Variants in ANKRD27 observed in about 807,000 individuals in gnomAD.
The protein encoded by ANKRD27 is ankyrin repeat domain 27, also known as ankyrin repeat domain-containing protein 27.
In ANKRD27, 112 loss-of-function variants were observed where a neutral mutation model predicts 129.7. That is an observed-to-expected ratio of 0.86 (90% confidence interval 0.74 to 1.01). The LOEUF (loss-of-function observed/expected upper bound fraction) is 1.01, where lower values mean the gene tolerates loss of function less well. Ranked by LOEUF, ANKRD27 falls within the 50% of genes least tolerant of loss-of-function variation. ANKRD27 has a pLI of 0.00. For synonymous variants in ANKRD27, 516 were observed against 511.2 expected (o/e 1.01, Z -0.13); for missense variants, 1,258 against 1,300.5 (o/e 0.97, Z 0.50).
chr19:32,637,072 T>A (rs1368423609), intron 12 of ANKRD27, among the ~76,000 whole-genome samples: 1 of 152,214 alleles, frequency 6.6e-6, no homozygotes, highest in Non-Finnish European at 1.5e-5. Context: ...ATTTCAATTA[T>A]GTAAAATATA....
intron 17 of ANKRD27, among the ~76,000 whole-genome samples, chr19:32,622,880 C>T (rs1236310337): frequency 6.6e-6 from 1 of 151,864 alleles, no homozygotes; most frequent in Non-Finnish European, 1.5e-5. Context: ...TGGGCTTAAG[C>T]GATCCTCCCA....
intron 16 of ANKRD27, 105 bp from the exon 17 acceptor site, chr19:32,626,071 A>G: frequency 1.3e-6 from 1 of 778,558 alleles, no homozygotes; most frequent in Non-Finnish European, 1.9e-6. Context: ...CTTCGATCTT[A>G]TTTATGCTAC....
intron 2 of ANKRD27, among the ~76,000 whole-genome samples, chr19:32,658,378 A>G (rs1014891475): frequency 6.6e-6 from 1 of 152,018 alleles, no homozygotes; most frequent in African/African-American, 2.4e-5. Flanking sequence ...CCTGCTTCTC[A>G]TTCCTGTTAC....
chr19:32,643,383 T>G (rs1260439315), intron 7 of ANKRD27, 31 bp from the exon 8 acceptor site: 1 of 1,613,764 alleles, frequency 6.2e-7, no homozygotes, highest in African/African-American at 1.3e-5. Context: ...ATTCAGGGTG[T>G]GAGCGGGCAA....
chr19:32,665,289 ATTT>A (rs11324719), intron 1 of ANKRD27, among the ~76,000 whole-genome samples: 8 of 129,676 alleles, frequency 6.2e-5, no homozygotes, highest in Non-Finnish European at 1.0e-4. Flanking sequence ...AAATTCATGA[ATTT>A]TTTTTTTTTT....
chr19:32,656,103 G>GAAAGAAAAGAAAAGA (rs535574771), intron 2 of ANKRD27, among the ~76,000 whole-genome samples: 4 of 123,746 alleles, frequency 3.2e-5, no homozygotes, highest in Non-Finnish European at 6.5e-5. Context: ...AAGAAAGAAA[G>GAAAGAAAAGAAAAGA]AAAGAAAAGA....
chr19:32,610,258 C>T (rs1290872965), intron 22 of ANKRD27, among the ~76,000 whole-genome samples: 3 of 151,712 alleles, frequency 2.0e-5, no homozygotes, highest in East Asian at 1.9e-4. Context: ...TGCAGTGAGC[C>T]GAGATGGCGC....
chr19:32,649,034 A>G (rs889919078), intron 3 of ANKRD27, among the ~76,000 whole-genome samples: 10 of 148,866 alleles, frequency 6.7e-5, no homozygotes, highest in African/African-American at 2.5e-4. Context: ...TGACACAATC[A>G]TGGCTTACTG....
At position 32,669,995 on chromosome 19, in the gene ANKRD27, C is replaced by CA. The variant is rs11361912; in HGVS notation, c.-31+5075dup. On this transcript the variant is annotated intron_variant, in intron 1 of 28. Transcript: ENST00000306065. ...TGAGTGACAGGCTGAGATCCCGTCACAAAAAAAAAAAAAAGAAAGAAAATG... is the reference window on the plus strand; with the variant it reads ...TGAGTGACAGGCTGAGATCCCGTCACAAAAAAAAAAAAAAAGAAAGAAAATG... Among the ~76,000 whole-genome samples the CA allele has an allele frequency of 7.7e-3, 586 of 76,364 alleles. 3 individuals are homozygous for CA. Among genetic ancestry groups the CA allele is most frequent in the East Asian group, 0.013 (39 of 3,118 alleles). 50.1% of individuals were successfully genotyped at this position (76,364 alleles called of 152,430 possible).
intron 21 of ANKRD27, among the ~76,000 whole-genome samples, chr19:32,616,880 CCT>C (rs1971928546): frequency 6.6e-6 from 1 of 152,122 alleles, no homozygotes; most frequent in South Asian, 2.1e-4. Flanking sequence ...TCTGCCTTCG[CCT>C]CTCTACTTCC....
At chr19:32,653,232 G>A (rs1967453678) in intron 2 of ANKRD27, among the ~76,000 whole-genome samples, 2 of 152,222 alleles carry the variant, frequency 1.3e-5, no homozygotes, top group African/African-American at 4.8e-5. Context: ...CTGGAGCAGG[G>A]GTCTCAGCGC....
intron 24 of ANKRD27, among the ~76,000 whole-genome samples, chr19:32,604,895 TA>T (rs59062300): frequency 3.3e-5 from 5 of 149,656 alleles, no homozygotes; most frequent in African/African-American, 4.9e-5. Context: ...CCATCTCTAC[TA>T]AAAAAAAACA....
At chr19:32,612,993 T>C (rs76065375) in intron 22 of ANKRD27, among the ~76,000 whole-genome samples, 3 of 152,280 alleles carry the variant, frequency 2.0e-5, no homozygotes, top group Admixed American at 6.5e-5. Context: ...GAGGAAATTA[T>C]AGACAAGCTA....
At chr19:32,648,955 GT>G (rs1221995739) in intron 3 of ANKRD27, among the ~76,000 whole-genome samples, 1 of 136,124 alleles carries the variant, frequency 7.3e-6, no homozygotes, top group Non-Finnish European at 1.5e-5. Context: ...CAAAAAGATT[GT>G]TTTTTGGGTT....
chr19:32,644,249 G>A, intron 5 of ANKRD27, 76 bp downstream of exon 5: 2 of 1,505,328 alleles, frequency 1.3e-6, no homozygotes, highest in Non-Finnish European at 1.8e-6. Flanking sequence ...CAGTTCCAGA[G>A]GAAACTGAGG....
chr19:32,602,763 G>A (rs998600237), intron 25 of ANKRD27, among the ~76,000 whole-genome samples: 10 of 152,006 alleles, frequency 6.6e-5, no homozygotes, highest in South Asian at 2.1e-4. Context: ...GGTGGCACAC[G>A]CCTATAGTCC....
chr19:32,607,935 G>A (rs555854831), intron 22 of ANKRD27, 103 bp from the exon 23 acceptor site: 34 of 1,181,630 alleles, frequency 2.9e-5, no homozygotes, highest in East Asian at 1.3e-4. Flanking sequence ...CACACAATGC[G>A]GGATCATGGC....
At chr19:32,634,191 G>A (rs1450895443) in intron 12 of ANKRD27, among the ~76,000 whole-genome samples, 1 of 152,118 alleles carries the variant, frequency 6.6e-6, no homozygotes, top group African/African-American at 2.4e-5. Flanking sequence ...AGATACACTT[G>A]GGATTTTTCC....
At position 32,662,311 on chromosome 19, in the gene ANKRD27, CA is replaced by C. The variant is rs34066529; in HGVS notation, c.-30-3267del. Reference sequence around the variant, plus strand: ...GGGCAAAAGAGAAAGACTCAGTCTCCAAAAAAAAAAAAAAAAAAAAAAAAAG... The same window carrying C: ...GGGCAAAAGAGAAAGACTCAGTCTCCAAAAAAAAAAAAAAAAAAAAAAAAG... On this transcript the variant is annotated intron_variant, in intron 1 of 28. Transcript: ENST00000306065. Among the ~76,000 whole-genome samples the C allele has an allele frequency of 1.0e-2, 379 of 38,000 alleles. 1 individual carries two copies. Among genetic ancestry groups the C allele is most frequent in the African/African-American group, 0.038 (345 of 8,964 alleles). 24.9% of individuals were successfully genotyped at this position (38,000 alleles called of 152,430 possible).
Sources: allele counts gnomAD v4.1 joint callset (sites outside exome capture counted in the v4.1 genomes callset), GRCh38; gene constraint gnomAD v4.1.1; transcripts MANE v1.5; gene names NCBI Gene and HGNC (gene_info 2026-07-23, HGNC 2026-07-21).